The following MPPED2 variants were observed in gnomAD, a reference collection of about 807,000 sequenced individuals.
MPPED2 encodes metallophosphoesterase domain containing 2, also known as metallophosphoesterase MPPED2.
A neutral mutation model predicts 33.0 loss-of-function variants in MPPED2; 5 were observed. That is an observed-to-expected ratio of 0.15 (90% CI 0.08 to 0.32). The LOEUF is 0.32. MPPED2 is among the 10% of genes least tolerant of loss of function. The probability of loss-of-function intolerance (pLI) is 1.00; values close to 1 mark genes in which losing one functional copy is unlikely to be tolerated. For missense variants in MPPED2, 275 were observed against 372.1 expected (o/e 0.74, Z 2.15); for synonymous variants, 136 against 141.9 (o/e 0.96, Z 0.29).
intron 2 of MPPED2, among the ~76,000 whole-genome samples, chr11:30,578,161 C>T (rs1476171515): frequency 2.0e-5 from 3 of 152,096 alleles, no homozygotes; most frequent in Non-Finnish European, 4.4e-5. Flanking sequence ...CCTAAACTAG[C>T]TTTGAGGCAT....
At chr11:30,574,085 T>G (rs917509502) in intron 2 of MPPED2, among the ~76,000 whole-genome samples, 1 of 152,190 alleles carries the variant, frequency 6.6e-6, no homozygotes, top group Non-Finnish European at 1.5e-5. Context: ...ATAAATTTAG[T>G]GTAGACTGTT....
chr11:30,429,365 G>A (rs571317168), intron 4 of MPPED2: 3 of 152,316 alleles, frequency 2.0e-5, no homozygotes, highest in East Asian at 3.9e-4. Flanking sequence ...GAGGTCAGAT[G>A]TAAGTTAAAG....
chr11:30,482,637 T>G (rs1380954302), intron 4 of MPPED2, among the ~76,000 whole-genome samples: 1 of 152,238 alleles, frequency 6.6e-6, no homozygotes, highest in African/African-American at 2.4e-5. Context: ...TCAGATTATT[T>G]GATGCAATAT....
intron 3 of MPPED2, among the ~76,000 whole-genome samples, chr11:30,530,034 A>T (rs1222559929): frequency 1.3e-5 from 2 of 152,242 alleles, no homozygotes; most frequent in African/African-American, 4.8e-5. Context: ...TGCTGTGTTA[A>T]AAGGAATTTT....
At chr11:30,457,693 C>A (rs1950337426) in intron 4 of MPPED2, among the ~76,000 whole-genome samples, 1 of 152,130 alleles carries the variant, frequency 6.6e-6, no homozygotes, top group Admixed American at 6.5e-5. Context: ...TAATAAATTC[C>A]CAAACCAGGA....
At chr11:30,510,693 C>T (rs1372380791) in intron 3 of MPPED2, among the ~76,000 whole-genome samples, 2 of 152,174 alleles carry the variant, frequency 1.3e-5, no homozygotes, top group African/African-American at 4.8e-5. Context: ...GAGTGACTTT[C>T]TCTGAAAACG....
rs563054299 is a variant in MPPED2, at chr11:30,432,948, C to T, written c.537-15315G>A. The stretch of plus-strand genomic sequence containing the variant: ...ACATACAATGTTAGAACAATGTGAA[C>T]GTGGAAAAAAGCCTCTAATCTTCAG... On this transcript the variant is annotated intron_variant, in intron 4 of 6. Coordinates refer to ENST00000358117, the MANE Select transcript of MPPED2 (RefSeq NM_001584.3). Among the ~76,000 whole-genome samples, 8 of 152,274 alleles carry T rather than the reference C, an allele frequency of 5.3e-5. No individual in the cohort carries two copies. The South Asian group carries it at 6.2e-4, about 12-fold the overall frequency.
chr11:30,496,794 T>G (rs1366409237), intron 3 of MPPED2, among the ~76,000 whole-genome samples: 2 of 152,176 alleles, frequency 1.3e-5, no homozygotes, highest in Non-Finnish European at 2.9e-5. Flanking sequence ...GATTACATTG[T>G]GAAGTCCACA....
chr11:30,516,596 TA>T (rs936745217), intron 3 of MPPED2, among the ~76,000 whole-genome samples: 1 of 152,184 alleles, frequency 6.6e-6, no homozygotes, highest in African/African-American at 2.4e-5. Flanking sequence ...GAACATTTAT[TA>T]ACCCCCCAGT....
At chr11:30,420,415 GA>G (rs1194883937) in intron 4 of MPPED2, among the ~76,000 whole-genome samples, 5 of 152,234 alleles carry the variant, frequency 3.3e-5, no homozygotes, top group African/African-American at 1.2e-4. Context: ...TTAGTCCAGT[GA>G]GACCCATGTC....
At chr11:30,520,899 C>G (rs1362278279) in intron 3 of MPPED2, among the ~76,000 whole-genome samples, 1 of 152,116 alleles carries the variant, frequency 6.6e-6, no homozygotes, top group Non-Finnish European at 1.5e-5. Flanking sequence ...AGTATGTACC[C>G]ACCAGGCCCA....
chr11:30,442,166 G>A (rs1949605530), intron 4 of MPPED2, among the ~76,000 whole-genome samples: 1 of 152,166 alleles, frequency 6.6e-6, no homozygotes, highest in Non-Finnish European at 1.5e-5. Context: ...CCCAAAGATG[G>A]CAGTTTAAGA....
chr11:30,420,241 G>A (rs950736034), intron 4 of MPPED2, among the ~76,000 whole-genome samples: 10 of 152,312 alleles, frequency 6.6e-5, no homozygotes, highest in Non-Finnish European at 1.0e-4. Flanking sequence ...TCAGAGTGAT[G>A]CAATGTGAGA....
intron 3 of MPPED2, among the ~76,000 whole-genome samples, chr11:30,504,454 G>T (rs1565133394): frequency 6.6e-6 from 1 of 152,168 alleles, no homozygotes; most frequent in African/African-American, 2.4e-5. Context: ...GAAGGCCTGA[G>T]TCCAGCCTGG....
chr11:30,437,855 T>C (rs1949392180), intron 4 of MPPED2, among the ~76,000 whole-genome samples: 2 of 151,982 alleles, frequency 1.3e-5, no homozygotes, highest in Non-Finnish European at 2.9e-5. Flanking sequence ...GCAAAGCTGA[T>C]GGGGCCTGAA....
chr11:30,537,286 A>C lies in MPPED2; in HGVS notation c.129-1111T>G, dbSNP rs561818031. On this transcript the variant is annotated intron_variant, in intron 2 of 6. Coordinates refer to ENST00000358117, the MANE Select transcript of MPPED2 (RefSeq NM_001584.3). The stretch of plus-strand genomic sequence containing the variant: ...GGATTATAGGTGAAAAGAAGCAGTT[A>C]TAAATGCAAAGAGAAGGTCACAAGA... Among the ~76,000 whole-genome samples the C allele has an allele frequency of 6.6e-5, 10 of 152,218 alleles. No individual in the cohort carries two copies. In the East Asian group the frequency reaches 1.9e-3, roughly 29 times the overall value.
At chr11:30,563,996 G>T (rs936621820) in intron 2 of MPPED2, among the ~76,000 whole-genome samples, 3 of 152,136 alleles carry the variant, frequency 2.0e-5, no homozygotes, top group Non-Finnish European at 2.9e-5. Flanking sequence ...CTTTGTTCTG[G>T]GAACAGGCCT....
At chr11:30,500,049 G>A (rs547187850) in intron 3 of MPPED2, among the ~76,000 whole-genome samples, 36 of 152,184 alleles carry the variant, frequency 2.4e-4, no homozygotes, top group Non-Finnish European at 3.5e-4. Flanking sequence ...TGCCTGATGG[G>A]CCACTATATT....
At chr11:30,542,192 C>T (rs1005395414) in intron 2 of MPPED2, among the ~76,000 whole-genome samples, 4 of 152,082 alleles carry the variant, frequency 2.6e-5, no homozygotes, top group African/African-American at 9.7e-5. Context: ...TTGTACTAGT[C>T]CTTAATTTTT....
Sources: allele counts gnomAD v4.1 joint callset (sites outside exome capture counted in the v4.1 genomes callset), GRCh38; gene constraint gnomAD v4.1.1; transcripts MANE v1.5; gene names NCBI Gene and HGNC (gene_info 2026-07-23, HGNC 2026-07-21).